The following AMMECR1 variants were observed in gnomAD, a reference collection of about 807,000 sequenced individuals.
The protein encoded by AMMECR1 is nuclear protein AMMECR1.
Under a neutral mutation model 22.5 loss-of-function variants are expected in AMMECR1, and 3 were observed. The observed-to-expected ratio is 0.13, with a 90% CI of 0.06 to 0.35. The LOEUF (loss-of-function observed/expected upper bound fraction) is 0.35. AMMECR1 is among the 10% of genes least tolerant of loss of function. The pLI, the probability that AMMECR1 is intolerant of heterozygous loss-of-function variation, is 1.00. For missense variants in AMMECR1, 235 were observed against 278.7 expected, an observed-to-expected ratio of 0.84 and a Z score of 1.12; for synonymous variants, 130 against 116.7, an observed-to-expected ratio of 1.11 and a Z score of -0.74.
At position 110,272,406 on chromosome X, in the gene AMMECR1, G is replaced by A. The variant is rs139935998; in HGVS notation, c.474-7807C>T. Reference sequence around the variant, plus strand: ...CTATTTTTTATGCCATTAAAAACTTGTATGGAACTTTGTTTTGGTATTTCC... The same window carrying A: ...CTATTTTTTATGCCATTAAAAACTTATATGGAACTTTGTTTTGGTATTTCC... On this transcript the variant is annotated intron_variant, in intron 1 of 5. Coordinates refer to ENST00000262844, the MANE Select transcript of AMMECR1 (RefSeq NM_015365.3). 4.6e-3 allele frequency among the ~76,000 whole-genome samples: 509 copies of A among 111,785 alleles called. 6 individuals carry two copies. Among genetic ancestry groups the A allele is most frequent in the African/African-American group, 0.016 (493 of 30,816 alleles).
intron 2 of AMMECR1, among the ~76,000 whole-genome samples, chrX:110,421,130 T>C (rs1163004040): frequency 8.9e-6 from 1 of 112,521 alleles, no homozygotes; most frequent in East Asian, 2.8e-4. Flanking sequence ...CCCCTCTGAC[T>C]TTTTTGCACA....
At chrX:110,413,514 A>ACC (rs538812473) in intron 2 of AMMECR1, among the ~76,000 whole-genome samples, 3 of 93,283 alleles carry the variant, frequency 3.2e-5, no homozygotes, top group African/African-American at 1.2e-4. Context: ...CTCCTGGTCA[A>ACC]CCCCCCCCCA....
At chrX:110,293,339 G>A (rs778432774) in intron 1 of AMMECR1, among the ~76,000 whole-genome samples, 1 of 111,673 alleles carries the variant, frequency 9.0e-6, no homozygotes, top group Non-Finnish European at 1.9e-5. Context: ...CCTGTCAGAA[G>A]ATTTTAAAGT....
chrX:110,417,904 C>A lies in AMMECR1; in HGVS notation c.-148+8754G>T, dbSNP rs927776337. ...ATGGAGTTGGAATTTGAAACCAGGT[C>A]ATTCCAGTCCACCAGCCTGTACCAT... On this transcript the variant is annotated intron_variant, in intron 2 of 7. Transcript: ENST00000372057. Among the ~76,000 whole-genome samples the A allele has an allele frequency of 2.9e-4, 33 of 112,517 alleles. 1 individual carries two copies. Among genetic ancestry groups the A allele is most frequent in the African/African-American group, 1.0e-3 (32 of 30,959 alleles).
chrX:110,414,115 C>T (rs903679561), intron 2 of AMMECR1, among the ~76,000 whole-genome samples: 3 of 111,901 alleles, frequency 2.7e-5, no homozygotes, highest in Non-Finnish European at 1.9e-5. Context: ...GAGGCAAAAT[C>T]CTAAGTCTGG....
intron 2 of AMMECR1, among the ~76,000 whole-genome samples, chrX:110,408,483 T>C (rs1169115515): frequency 1.8e-5 from 2 of 112,673 alleles, no homozygotes; most frequent in East Asian, 5.5e-4. Context: ...TGGACTTCCA[T>C]GGAGCTGAAA....
Position 110,392,272 on chromosome X carries a change from GTTTT to G in AMMECR1, c.-148+34382_-148+34385del, listed in dbSNP as rs377409601. 4.6e-4 allele frequency among the ~76,000 whole-genome samples: 39 copies of G among 85,067 alleles called. No homozygotes were observed. In the East Asian group the frequency reaches 0.013, roughly 27 times the overall value. 73.9% of individuals were successfully genotyped at this position (85,067 alleles called of 115,157 possible). ...TTAAATGCTCAAATTTCTACCACAG[GTTTT>G]TTTTTTTTTTTTTTTTTTGAGACAA... On this transcript the variant is annotated intron_variant, in intron 2 of 7. Transcript: ENST00000372057.
chrX:110,264,826 T>C (rs2067759381), intron 1 of AMMECR1, among the ~76,000 whole-genome samples: 1 of 111,625 alleles, frequency 9.0e-6, no homozygotes, highest in African/African-American at 3.3e-5. Flanking sequence ...TCAATAAATG[T>C]TTTAAACAAA....
intron 2 of AMMECR1, among the ~76,000 whole-genome samples, chrX:110,226,196 T>A (rs150014703): frequency 0.018 from 2,026 of 111,749 alleles, 31 homozygotes; most frequent in Non-Finnish European, 0.028. Context: ...GTGAGTAAGG[T>A]ACTATACATG....
chrX:110,232,091 A>G (rs749553529), intron 2 of AMMECR1, among the ~76,000 whole-genome samples: 2 of 110,999 alleles, frequency 1.8e-5, no homozygotes, highest in East Asian at 5.6e-4. Flanking sequence ...CCCATTGTCA[A>G]TATTTGACAG....
chrX:110,260,632 A>G (rs1458285036), intron 2 of AMMECR1, among the ~76,000 whole-genome samples: 1 of 111,545 alleles, frequency 9.0e-6, no homozygotes. Flanking sequence ...TATTTTTAAG[A>G]AAGGTTTTAG....
intron 1 of AMMECR1, among the ~76,000 whole-genome samples, chrX:110,292,043 A>G (rs1360559804): frequency 8.9e-6 from 1 of 112,640 alleles, no homozygotes; most frequent in South Asian, 3.7e-4. Context: ...TCAATTTTTT[A>G]GTATTGATAA....
chrX:110,432,027 G>A lies in AMMECR1; in HGVS notation c.-293-5224C>T, dbSNP rs149966537. On this transcript the variant is annotated intron_variant, in intron 1 of 7. Coordinates refer to the AMMECR1 transcript ENST00000372057. ...TACTAAGGGTTTGGGGAGGGTTTAT[G>A]TGTTTATTCACCCATTCATTTATTC... Among the ~76,000 whole-genome samples, 90 of 112,057 alleles carry A rather than the reference G, an allele frequency of 8.0e-4. 2 individuals are homozygous for A. In the East Asian group the frequency reaches 0.017, roughly 22 times the overall value.
At chrX:110,423,050 G>A (rs1423529544) in intron 2 of AMMECR1, among the ~76,000 whole-genome samples, 1 of 112,120 alleles carries the variant, frequency 8.9e-6, no homozygotes, top group Non-Finnish European at 1.9e-5. Flanking sequence ...AGAGGAGGCC[G>A]GGCGCGGTGT....
At chrX:110,225,274 A>T (rs1245838296) in intron 2 of AMMECR1, among the ~76,000 whole-genome samples, 1 of 112,243 alleles carries the variant, frequency 8.9e-6, no homozygotes, top group East Asian at 2.8e-4. Context: ...ATCTTGTCAG[A>T]TTTGATTAGA....
At chrX:110,330,248 A>G (rs961135741) in intron 2 of AMMECR1, among the ~76,000 whole-genome samples, 2 of 111,955 alleles carry the variant, frequency 1.8e-5, no homozygotes, top group Non-Finnish European at 3.8e-5. Context: ...GACAAAAAAA[A>G]CGACTTTCAG....
intron 1 of AMMECR1, among the ~76,000 whole-genome samples, chrX:110,268,412 A>G (rs2067780920): frequency 8.9e-6 from 1 of 112,424 alleles, no homozygotes; most frequent in Non-Finnish European, 1.9e-5. Context: ...TCTCATTACA[A>G]ATGCTCATCC....
chrX:110,397,048 T>G (rs1395972355), intron 2 of AMMECR1, among the ~76,000 whole-genome samples: 1 of 112,079 alleles, frequency 8.9e-6, no homozygotes, highest in African/African-American at 3.2e-5. Flanking sequence ...AGGCTTGGAC[T>G]TGCTCTCTGC....
chrX:110,381,942 A>T (rs1406089632), intron 2 of AMMECR1, among the ~76,000 whole-genome samples: 1 of 111,539 alleles, frequency 9.0e-6, no homozygotes, highest in Non-Finnish European at 1.9e-5. Context: ...ATAGAAGCCC[A>T]AACCTCAGCA....
Sources: gnomAD v4.1 joint callset for allele counts (sites outside exome capture counted in the v4.1 genomes callset) on GRCh38, gnomAD v4.1.1 for gene constraint, MANE v1.5 for transcripts, NCBI Gene and HGNC (gene_info 2026-07-23, HGNC 2026-07-21) for gene names.